The following ERC1 variants were observed in gnomAD, a reference collection of about 807,000 sequenced individuals.
ERC1 encodes RAB6 interacting protein 2.
In ERC1, 56 loss-of-function variants were observed where a neutral mutation model predicts 132.0. That is an observed-to-expected ratio of 0.42 (90% CI 0.34 to 0.53). The LOEUF (loss-of-function observed/expected upper bound fraction) is 0.53. Among genes scored for constraint, ERC1 ranks in the 20% least tolerant of loss-of-function variants. The pLI is 0.03. For synonymous variants in ERC1, 478 were observed against 476.1 expected (o/e 1.00, Z -0.05); for missense variants, 1,202 against 1,349.9 (o/e 0.89, Z 1.72).
At chr12:1,175,612 C>T (rs530777570) in intron 8 of ERC1, among the ~76,000 whole-genome samples, 17 of 151,300 alleles carry the variant, frequency 1.1e-4, no homozygotes, top group Middle Eastern at 6.8e-3. Context: ...TGGTTCACTG[C>T]AACCTCTGCC....
intron 1 of ERC1, among the ~76,000 whole-genome samples, chr12:1,025,019 A>G (rs1333840073): frequency 1.3e-5 from 2 of 152,294 alleles, no homozygotes; most frequent in East Asian, 3.9e-4. Flanking sequence ...GTTTTATGCA[A>G]TTACTGTGTC....
chr12:1,148,688 G>A (rs1472222133), intron 8 of ERC1, among the ~76,000 whole-genome samples: 4 of 152,134 alleles, frequency 2.6e-5, no homozygotes, highest in East Asian at 1.9e-4. Flanking sequence ...TGCAACCTCC[G>A]CCTCCCGGGT....
intron 5 of ERC1, among the ~76,000 whole-genome samples, chr12:1,111,395 A>G (rs763007773): frequency 1.3e-5 from 2 of 152,072 alleles, no homozygotes; most frequent in Non-Finnish European, 2.9e-5. Context: ...TCCCAGTTGT[A>G]TTCTCCAGGT....
intron 18 of ERC1, among the ~76,000 whole-genome samples, chr12:1,476,186 G>A (rs889346343): frequency 1.3e-5 from 2 of 151,598 alleles, no homozygotes; most frequent in Non-Finnish European, 2.9e-5. Context: ...AACCCGGGAG[G>A]CAGAGATTGC....
intron 16 of ERC1, among the ~76,000 whole-genome samples, chr12:1,372,182 T>C (rs2087321211): frequency 6.6e-6 from 1 of 152,228 alleles, no homozygotes; most frequent in Non-Finnish European, 1.5e-5. Flanking sequence ...AAGAGGGCTG[T>C]TTTGGACAAT....
chr12:1,260,130 G>A (rs752788065), intron 13 of ERC1, among the ~76,000 whole-genome samples: 3 of 152,058 alleles, frequency 2.0e-5, no homozygotes, highest in Non-Finnish European at 4.4e-5. Context: ...TGAGAGAGTC[G>A]TTGAGTGAGA....
At chr12:1,023,628 G>T (rs1236688480) in intron 1 of ERC1, among the ~76,000 whole-genome samples, 2 of 152,198 alleles carry the variant, frequency 1.3e-5, no homozygotes, top group African/African-American at 4.8e-5. Flanking sequence ...GTTATTTTAA[G>T]CTGGTGGAGG....
chr12:1,082,227 C>T (rs1428839963), intron 2 of ERC1, among the ~76,000 whole-genome samples: 2 of 151,994 alleles, frequency 1.3e-5, no homozygotes, highest in Non-Finnish European at 2.9e-5. Context: ...GGGGTTTTAC[C>T]ACGTTGGCCA....
intron 13 of ERC1, among the ~76,000 whole-genome samples, chr12:1,240,093 T>C (rs1320504919): frequency 6.6e-6 from 1 of 152,198 alleles, no homozygotes; most frequent in African/African-American, 2.4e-5. Context: ...ATGAAGGGGC[T>C]ATCACTGGCC....
At chr12:1,200,380 A>C (rs1335509669) in intron 12 of ERC1, among the ~76,000 whole-genome samples, 1 of 152,000 alleles carries the variant, frequency 6.6e-6, no homozygotes, top group Non-Finnish European at 1.5e-5. Context: ...TTTTTTTGAA[A>C]AAGAAAACTT....
Position 1,482,151 on chromosome 12 carries a change from C to T in ERC1, c.3214-7942C>T, listed in dbSNP as rs910809083. 4.9e-4 allele frequency among the ~76,000 whole-genome samples: 75 copies of T among 152,266 alleles called. 1 individual carries two copies. Among genetic ancestry groups the T allele is most frequent in the African/African-American group, 1.7e-3 (71 of 41,540 alleles). On this transcript the variant is annotated intron_variant, in intron 18 of 18. Coordinates refer to ENST00000360905, the MANE Select transcript of ERC1 (RefSeq NM_178040.4). ...CTGGCCAGCCCGGGGGCCTTTGTCT[C>T]TCTTGAAGAGCTGGAATCGCTTCCA...
chr12:1,447,726 T>C (rs1319815578), intron 18 of ERC1, among the ~76,000 whole-genome samples: 1 of 151,998 alleles, frequency 6.6e-6, no homozygotes, highest in South Asian at 2.1e-4. Context: ...CTCAGCTCAC[T>C]GCAAGCTCCA....
chr12:1,072,555 G>A (rs1260616973), intron 2 of ERC1, among the ~76,000 whole-genome samples: 1 of 151,178 alleles, frequency 6.6e-6, no homozygotes, highest in African/African-American at 2.4e-5. Context: ...TGATTGTCAT[G>A]GAAAATATTA....
intron 2 of ERC1, among the ~76,000 whole-genome samples, chr12:1,082,919 T>C (rs1942440548): frequency 6.6e-6 from 1 of 152,244 alleles, no homozygotes; most frequent in Non-Finnish European, 1.5e-5. Flanking sequence ...TATTGTAGTT[T>C]ATGCAAAGTG....
chr12:1,101,514 T>G (rs1371049407), intron 3 of ERC1, among the ~76,000 whole-genome samples: 1 of 152,212 alleles, frequency 6.6e-6, no homozygotes, highest in Non-Finnish European at 1.5e-5. Context: ...TGTCCCGGCT[T>G]CTTCATGTCA....
At position 1,131,759 on chromosome 12, in the gene ERC1, C is replaced by T. The variant is rs367954750; in HGVS notation, c.1570-9861C>T. Among the ~76,000 whole-genome samples, 23 of 152,222 alleles carry T rather than the reference C, an allele frequency of 1.5e-4. 1 individual carries two copies. The South Asian group carries it at 1.7e-3, about 11-fold the overall frequency. On this transcript the variant is annotated intron_variant, in intron 7 of 18. Transcript: ENST00000360905. Reference sequence around the variant, plus strand: ...GATTACAGGTGTGAGCCACCGCGCCCAGCCAGAATTAATTGTTTTTTGATC... The same window carrying T: ...GATTACAGGTGTGAGCCACCGCGCCTAGCCAGAATTAATTGTTTTTTGATC...
intron 18 of ERC1, among the ~76,000 whole-genome samples, chr12:1,488,463 C>T (rs74608665): frequency 0.018 from 2,748 of 152,160 alleles, 92 homozygotes; most frequent in African/African-American, 0.063. Flanking sequence ...GAGGCAGAGG[C>T]GGGATTACTT....
intron 8 of ERC1, among the ~76,000 whole-genome samples, chr12:1,179,539 G>A (rs1205128280): frequency 2.5e-5 from 3 of 120,086 alleles, no homozygotes; most frequent in African/African-American, 9.9e-5. Context: ...ACGGAGTCTC[G>A]CTCTGTCGCC....
intron 15 of ERC1, among the ~76,000 whole-genome samples, chr12:1,333,107 C>A (rs73036675): frequency 6.6e-6 from 1 of 151,664 alleles, no homozygotes; most frequent in Non-Finnish European, 1.5e-5. Context: ...CCTCTCACCC[C>A]CCCTCCTCCA....
Sources: gnomAD v4.1 joint callset for allele counts (sites outside exome capture counted in the v4.1 genomes callset) on GRCh38, gnomAD v4.1.1 for gene constraint, MANE v1.5 for transcripts, NCBI Gene and HGNC (gene_info 2026-07-23, HGNC 2026-07-21) for gene names.